The following TUBA1C variants were observed in gnomAD, a reference collection of about 807,000 sequenced individuals.
TUBA1C encodes tubulin alpha-1C chain.
A neutral mutation model predicts 34.9 loss-of-function variants in TUBA1C; 16 were observed. The ratio of observed to expected loss-of-function variants is 0.46; its 90% CI spans 0.31 to 0.70. The LOEUF (loss-of-function observed/expected upper bound fraction) is 0.70. TUBA1C is among the 30% of genes least tolerant of loss of function. TUBA1C has a pLI of 0.05. For synonymous variants in TUBA1C, 177 were observed against 215.9 expected (o/e 0.82, Z 1.58); for missense variants, 329 against 587.3 (o/e 0.56, Z 4.55).
intron 1 of TUBA1C, 70 bp from the exon 2 acceptor site, chr12:49,269,395 G>A: frequency 1.9e-6 from 3 of 1,602,968 alleles, no homozygotes; most frequent in African/African-American, 1.3e-5. Flanking sequence ...TCAGTCATTA[G>A]GTGTGAATCA....
intron 3 of TUBA1C, among the ~76,000 whole-genome samples, chr12:49,270,700 AGGCTGGGCACGGT>A: frequency 6.6e-6 from 1 of 152,304 alleles, no homozygotes; most frequent in Non-Finnish European, 1.5e-5. Context: ...ACTAAGCTTT[AGGCTGGGCACGGT>A]GGCTGACATC....
intron 1 of TUBA1C, chr12:49,233,403 T>C (rs1942517172): frequency 6.6e-6 from 1 of 152,218 alleles, no homozygotes; most frequent in Admixed American, 6.5e-5. Context: ...ATTGCCCTTT[T>C]TTGTCCTCCA....
In TUBA1C at chr12:49,272,800, G is replaced by A. The variant is rs773380954; in HGVS notation, c.923G>A (p.Arg308His). The change falls in exon 4 of 4, where the codon CGC becomes CAC. Residue 308 changes from arginine to histidine, a missense_variant. By Grantham distance (29) the Arg-to-His change is conservative. This residue lies in a region of TUBA1C where 140 missense variants were observed against 289.8 expected (regional missense o/e 0.48). Coordinates refer to ENST00000301072, the MANE Select transcript of TUBA1C (RefSeq NM_032704.5). ...AACCAGATGGTGAAATGTGACCCTC[G>A]CCATGGTAAATACATGGCTTGCTGC... ...PANQMVKCDP[R>H]HGKYMACCLL... 1.4e-5 allele frequency: 23 copies of A among 1,613,850 alleles called. No individual in the cohort carries two copies. The highest frequency in any genetic ancestry group is 2.2e-5 in the East Asian group (1 of 44,892).
chr12:49,229,934 T>C (rs1942478868), intron 1 of TUBA1C, among the ~76,000 whole-genome samples: 1 of 152,048 alleles, frequency 6.6e-6, no homozygotes, highest in Admixed American at 6.6e-5. Context: ...ACTATAGGCG[T>C]GTACCACCAT....
chr12:49,255,595 A>G lies in TUBA1C; in HGVS notation c.214-13870A>G, dbSNP rs554827663. The stretch of plus-strand genomic sequence containing the variant: ...GTTTTTCGAGACTGAGTCTCATTCT[A>G]TCACCCATGCTGGAGTGCAGTGGCG... On this transcript the variant is annotated intron_variant, in intron 1 of 3. Transcript: ENST00000541364. Among the ~76,000 whole-genome samples the G allele has an allele frequency of 8.6e-4, 130 of 151,900 alleles. 3 individuals carry two copies. The South Asian group carries it at 0.026, about 31-fold the overall frequency.
At chr12:49,270,776 C>G (rs535202274) in intron 3 of TUBA1C, among the ~76,000 whole-genome samples, 1 of 152,036 alleles carries the variant, frequency 6.6e-6, no homozygotes, top group Non-Finnish European at 1.5e-5. Context: ...GTCAGGAGAT[C>G]GAGACCATCC....
At chr12:49,254,780 C>T (rs1461439716) in intron 1 of TUBA1C, among the ~76,000 whole-genome samples, 2 of 152,024 alleles carry the variant, frequency 1.3e-5, no homozygotes, top group Non-Finnish European at 2.9e-5. Flanking sequence ...AATTTTCAAG[C>T]TTCTAGTCAT....
intron 1 of TUBA1C, among the ~76,000 whole-genome samples, chr12:49,235,788 C>G (rs1942549324): frequency 6.6e-6 from 1 of 151,704 alleles, no homozygotes; most frequent in Non-Finnish European, 1.5e-5. Context: ...AGAGACCAGG[C>G]TGACTCTCTG....
rs540755404 is a variant in TUBA1C at position 49,235,720 on chromosome 12, G to A, written c.213+7554G>A. Reference sequence around the variant, plus strand: ...TGCACTCCAGCCTGGGTGACAGGGTGAGACTCGGTCTCAAAAAAAAAAAAA... The same window carrying A: ...TGCACTCCAGCCTGGGTGACAGGGTAAGACTCGGTCTCAAAAAAAAAAAAA... On this transcript the variant is annotated intron_variant, in intron 1 of 3. Coordinates refer to the TUBA1C transcript ENST00000541364. Among the ~76,000 whole-genome samples, 16 of 145,146 alleles carry A rather than the reference G, an allele frequency of 1.1e-4. No homozygotes were observed. The South Asian group carries it at 3.2e-3, about 29-fold the overall frequency.
chr12:49,267,353 A>C (rs1039747146), intron 1 of TUBA1C, among the ~76,000 whole-genome samples: 1 of 152,162 alleles, frequency 6.6e-6, no homozygotes. Flanking sequence ...GGCGTTTCCA[A>C]AGTCCAGTTA....
chr12:49,235,017 C>T (rs902109897), intron 1 of TUBA1C, among the ~76,000 whole-genome samples: 1 of 151,384 alleles, frequency 6.6e-6, no homozygotes, highest in Non-Finnish European at 1.5e-5. Flanking sequence ...GGGGTTTCAC[C>T]ATGTTGGTCA....
intron 1 of TUBA1C, among the ~76,000 whole-genome samples, chr12:49,231,754 G>A (rs934386623): frequency 4.6e-5 from 7 of 151,832 alleles, no homozygotes; most frequent in African/African-American, 1.7e-4. Context: ...TCGCTATGTT[G>A]ACTAGGCTGG....
rs141557244 is a variant in TUBA1C, at chr12:49,232,406, T to G, written c.213+4240T>G. 2.8e-3 allele frequency among the ~76,000 whole-genome samples: 429 copies of G among 152,266 alleles called. 1 individual carries two copies. The highest frequency in any genetic ancestry group is 4.1e-3 in the Non-Finnish European group (282 of 68,018). On this transcript the variant is annotated intron_variant, in intron 1 of 3. Coordinates refer to the TUBA1C transcript ENST00000541364. ...ATTCCAACTGGACATAAAAGGGCAC[T>G]TCAGCTGTCAAGCCACGTGTGGATT...
intron 1 of TUBA1C, among the ~76,000 whole-genome samples, chr12:49,246,622 C>T (rs757737862): frequency 2.5e-4 from 38 of 151,104 alleles, no homozygotes; most frequent in Non-Finnish European, 4.4e-4. Context: ...TTGCAGTGAG[C>T]GGAGATCGCA....
intron 1 of TUBA1C, among the ~76,000 whole-genome samples, chr12:49,240,597 T>C (rs989146661): frequency 6.6e-6 from 1 of 152,204 alleles, no homozygotes; most frequent in Admixed American, 6.5e-5. Context: ...TATCTACTTA[T>C]TTATTTTTGG....
Position 49,268,585 on chromosome 12 carries a change from T to C in TUBA1C, c.4-880T>C, listed in dbSNP as rs1037164190. Among the ~76,000 whole-genome samples, 6 of 152,148 alleles carry C rather than the reference T, an allele frequency of 3.9e-5. No individual in the cohort carries two copies. In the East Asian group the frequency reaches 9.6e-4, roughly 24 times the overall value. On this transcript the variant is annotated intron_variant, in intron 1 of 3. Transcript: ENST00000301072. ...AAGTCTTGGTAACATTTCTAGCCTT[T>C]ATTATTATGGTCTTCCCTCTTCCGG...
chr12:49,236,747 G>T (rs1296052200), intron 1 of TUBA1C, among the ~76,000 whole-genome samples: 1 of 152,114 alleles, frequency 6.6e-6, no homozygotes, highest in Non-Finnish European at 1.5e-5. Flanking sequence ...ACAGCCTATT[G>T]CTCCTAGGCT....
chr12:49,254,793 CT>C (rs1942766682), intron 1 of TUBA1C, among the ~76,000 whole-genome samples: 1 of 152,066 alleles, frequency 6.6e-6, no homozygotes, highest in Non-Finnish European at 1.5e-5. Context: ...CTAGTCATGA[CT>C]TTGTCTTTCT....
chr12:49,273,424 C>A lies in TUBA1C; in HGVS notation c.*197C>A. 2.1e-6 allele frequency: 2 copies of A among 960,476 alleles called. No homozygotes were observed. Among genetic ancestry groups the A allele is most frequent in the Non-Finnish European group, 3.1e-6 (2 of 647,732 alleles). The allele number at this position is 960,476 out of a possible 1,614,324, so 59.5% of individuals were successfully genotyped here. A position where few individuals can be genotyped will look rare whatever the true frequency, so the allele number is the denominator to read the frequency against. On this transcript the variant is annotated 3_prime_UTR_variant, in exon 4 of 4. Transcript: ENST00000301072. ...ACCTGAGTCGAGGGTCTTGCTCTGTCACCCAGGCTGGAGTGCAGTGGCATG... is the reference window on the plus strand; with the variant it reads ...ACCTGAGTCGAGGGTCTTGCTCTGTAACCCAGGCTGGAGTGCAGTGGCATG...
Sources: gnomAD v4.1 joint callset for allele counts (sites outside exome capture counted in the v4.1 genomes callset) on GRCh38, gnomAD v4.1.1 for gene constraint, gnomAD v4.1.1 regional missense constraint, MANE v1.5 for transcripts, NCBI Gene and HGNC (gene_info 2026-07-23, HGNC 2026-07-21) for gene names.